DLGAP1: variants seen among roughly 807,000 people sequenced by gnomAD.
The protein encoded by DLGAP1 is disks large-associated protein 1.
A neutral mutation model predicts 90.8 loss-of-function variants in DLGAP1; 11 were observed. The ratio of observed to expected loss-of-function variants is 0.12; its 90% CI spans 0.08 to 0.20. DLGAP1 has a LOEUF of 0.20. Ranked by LOEUF, DLGAP1 falls within the 10% of genes least tolerant of loss-of-function variation. The pLI is 1.00. For synonymous variants in DLGAP1, 558 were observed against 540.7 expected, an observed-to-expected ratio of 1.03 and a Z score of -0.44; for missense variants, 1,050 against 1,333.8, an observed-to-expected ratio of 0.79 and a Z score of 3.31.
intron 2 of DLGAP1, among the ~76,000 whole-genome samples, chr18:4,035,935 T>G (rs1346587372): frequency 6.6e-6 from 1 of 151,984 alleles, no homozygotes; most frequent in Non-Finnish European, 1.5e-5. Flanking sequence ...TTATGTCTAC[T>G]AAGAAGTAGA....
At chr18:3,501,838 G>C (rs931204431) in intron 12 of DLGAP1, among the ~76,000 whole-genome samples, 1 of 150,220 alleles carries the variant, frequency 6.7e-6, no homozygotes, top group South Asian at 2.1e-4. Flanking sequence ...GTGAAAATTA[G>C]AGTTGATTAA....
At chr18:4,276,245 G>A (rs2079411340) in intron 1 of DLGAP1, among the ~76,000 whole-genome samples, 1 of 151,492 alleles carries the variant, frequency 6.6e-6, no homozygotes, top group Non-Finnish European at 1.5e-5. Context: ...ATGTTTTGAT[G>A]AGCTGACTTT....
At chr18:3,845,407 T>C (rs2068951607) in intron 4 of DLGAP1, 12 of 1,395,590 alleles carry the variant, frequency 8.6e-6, no homozygotes, top group Non-Finnish European at 1.1e-5. Flanking sequence ...GGGAGAGTGG[T>C]TGGTCATGGC....
At chr18:3,785,392 A>G (rs1440832858) in intron 5 of DLGAP1, among the ~76,000 whole-genome samples, 1 of 152,212 alleles carries the variant, frequency 6.6e-6, no homozygotes, top group Admixed American at 6.5e-5. Flanking sequence ...ACTGGCTGAC[A>G]AAAAGCAGAT....
chr18:4,332,252 T>C (rs1460660222), intron 1 of DLGAP1, among the ~76,000 whole-genome samples: 2 of 151,932 alleles, frequency 1.3e-5, no homozygotes, highest in East Asian at 1.9e-4. Flanking sequence ...CAAGATACAG[T>C]ATGACAATTT....
At chr18:3,789,572 C>T (rs1568137140) in intron 5 of DLGAP1, among the ~76,000 whole-genome samples, 1 of 152,062 alleles carries the variant, frequency 6.6e-6, no homozygotes, top group Non-Finnish European at 1.5e-5. Flanking sequence ...TTTAAAGGGA[C>T]AATGAAGGAA....
chr18:3,577,562 T>C (rs1365331097), intron 8 of DLGAP1, among the ~76,000 whole-genome samples: 1 of 152,200 alleles, frequency 6.6e-6, no homozygotes, highest in African/African-American at 2.4e-5. Flanking sequence ...ATGGTAGTTA[T>C]TTCCCTGAAG....
intron 7 of DLGAP1, among the ~76,000 whole-genome samples, chr18:3,628,581 T>C (rs1009945738): frequency 2.0e-5 from 3 of 152,152 alleles, no homozygotes; most frequent in Admixed American, 2.0e-4. Context: ...ACATTCCCCG[T>C]GCATCTTTTC....
intron 7 of DLGAP1, among the ~76,000 whole-genome samples, chr18:3,639,755 C>CTTTTTTTTTTTTTT (rs58862252): frequency 1.1e-4 from 13 of 118,294 alleles, no homozygotes; most frequent in East Asian, 9.5e-4. Flanking sequence ...GCAGAGTTGC[C>CTTTTTTTTTTTTTT]TTTTTTTTTT....
At chr18:3,797,825 A>G (rs1240987763) in intron 5 of DLGAP1, among the ~76,000 whole-genome samples, 1 of 152,088 alleles carries the variant, frequency 6.6e-6, no homozygotes, top group Non-Finnish European at 1.5e-5. Context: ...CCCCACCCAA[A>G]TCTCATCTTG....
chr18:4,421,685 T>C (rs879858132), intron 1 of DLGAP1, among the ~76,000 whole-genome samples: 2 of 152,114 alleles, frequency 1.3e-5, no homozygotes, highest in Non-Finnish European at 2.9e-5. Flanking sequence ...AAAATGTGCA[T>C]ATTGCCTTTA....
intron 5 of DLGAP1, among the ~76,000 whole-genome samples, chr18:3,798,351 G>A (rs2066114068): frequency 6.6e-6 from 1 of 152,330 alleles, no homozygotes; most frequent in East Asian, 1.9e-4. Flanking sequence ...GGTGGAGCAG[G>A]TTGCTTCATG....
At chr18:4,283,183 T>C (rs2079595377) in intron 1 of DLGAP1, among the ~76,000 whole-genome samples, 1 of 152,186 alleles carries the variant, frequency 6.6e-6, no homozygotes, top group Non-Finnish European at 1.5e-5. Context: ...TTGTTCTCTA[T>C]GCAAATCGGA....
intron 1 of DLGAP1, among the ~76,000 whole-genome samples, chr18:4,344,916 A>G (rs1453671802): frequency 6.6e-6 from 1 of 152,196 alleles, no homozygotes; most frequent in Admixed American, 6.5e-5. Context: ...AAAAGTTGTT[A>G]CACATTTTAG....
At chr18:4,129,338 T>C (rs2076279543) in intron 2 of DLGAP1, among the ~76,000 whole-genome samples, 1 of 152,056 alleles carries the variant, frequency 6.6e-6, no homozygotes, top group East Asian at 1.9e-4. Flanking sequence ...ACACATATAA[T>C]AGTTTGGGCA....
chr18:4,240,532 A>G (rs913823307), intron 1 of DLGAP1, among the ~76,000 whole-genome samples: 1 of 152,186 alleles, frequency 6.6e-6, no homozygotes, highest in African/African-American at 2.4e-5. Context: ...TGAAAGTAGA[A>G]CTTATGTAAG....
chr18:4,164,617 T>C (rs1598519752), intron 1 of DLGAP1, among the ~76,000 whole-genome samples: 1 of 151,886 alleles, frequency 6.6e-6, no homozygotes, highest in African/African-American at 2.4e-5. Context: ...GAGGCGAAGG[T>C]TGCAGTGAGC....
chr18:3,785,001 TA>T (rs549461514), intron 5 of DLGAP1, among the ~76,000 whole-genome samples: 173 of 152,122 alleles, frequency 1.1e-3, no homozygotes, highest in African/African-American at 3.3e-3. Flanking sequence ...CTTCTCCCTT[TA>T]AAAAAAATCC....
At chr18:3,523,627 C>T (rs1182229888) in intron 10 of DLGAP1, among the ~76,000 whole-genome samples, 2 of 151,696 alleles carry the variant, frequency 1.3e-5, no homozygotes, top group Admixed American at 6.6e-5. Flanking sequence ...GAGGGCGGAT[C>T]ACGAGGTCAG....
Sources: allele counts gnomAD v4.1 joint callset (sites outside exome capture counted in the v4.1 genomes callset), GRCh38; gene constraint gnomAD v4.1.1; transcripts MANE v1.5; gene names NCBI Gene and HGNC (gene_info 2026-07-23, HGNC 2026-07-21).